Variants in SART3 observed in about 807,000 individuals in gnomAD.
The protein encoded by SART3 is HIV-1 Tat-interacting protein of 110kDa.
In SART3, 44 loss-of-function variants were observed where a neutral mutation model predicts 122.3. The ratio of observed to expected loss-of-function variants is 0.36; its 90% confidence interval spans 0.28 to 0.46. The LOEUF is 0.46. Ranked by LOEUF, SART3 falls within the 20% of genes least tolerant of loss-of-function variation. SART3 has a pLI of 1.00. For synonymous variants in SART3, 442 were observed against 454.0 expected (o/e 0.97, Z 0.34); for missense variants, 1,101 against 1,229.0 (o/e 0.90, Z 1.56).
chr12:108,551,683 T>C (rs1346768819), intron 1 of SART3, among the ~76,000 whole-genome samples: 1 of 152,114 alleles, frequency 6.6e-6, no homozygotes, highest in Non-Finnish European at 1.5e-5. Flanking sequence ...TACGGAACAT[T>C]CACTGAAGCC....
intron 1 of SART3, among the ~76,000 whole-genome samples, chr12:108,549,592 C>A (rs1333663585): frequency 6.6e-6 from 1 of 152,152 alleles, no homozygotes; most frequent in East Asian, 1.9e-4. Flanking sequence ...CATACCAGGT[C>A]TTCCAAGGAT....
chr12:108,559,718 C>T (rs2030402203), intron 1 of SART3, among the ~76,000 whole-genome samples: 1 of 151,836 alleles, frequency 6.6e-6, no homozygotes, highest in African/African-American at 2.4e-5. Flanking sequence ...TTCTGTTTGC[C>T]CCCTCCAAAA....
Position 108,554,663 on chromosome 12 carries a change from TTATTA to T in SART3, c.313-5454_313-5450del, listed in dbSNP as rs2030143164. Among the ~76,000 whole-genome samples the T allele has an allele frequency of 3.4e-5, 5 of 148,272 alleles. No homozygotes were observed. In the South Asian group the frequency reaches 1.0e-3, roughly 31 times the overall value. ...CATATTTATATATTTATTATATTGTTTATTATATATTTATATATTTATATTTAGTA... is the reference window on the plus strand; with the variant it reads ...CATATTTATATATTTATTATATTGTTTATATTTATATATTTATATTTAGTA... On this transcript the variant is annotated intron_variant, in intron 1 of 18. Transcript: ENST00000546815.
intron 16 of SART3, 153 bp from the exon 17 acceptor site, chr12:108,525,762 G>A (rs1872344763): frequency 5.2e-6 from 4 of 773,616 alleles, no homozygotes; most frequent in African/African-American, 5.1e-5. Context: ...GGCCACCGGA[G>A]CGAGTCACTT....
In SART3 at chr12:108,537,626, C is replaced by A. The variant is rs779257234; in HGVS notation, c.1202-31G>T. The A allele has an allele frequency of 1.9e-6, 3 of 1,553,600 alleles. No individual in the cohort carries two copies. The Admixed American group carries it at 5.0e-5, about 26-fold the overall frequency. On this transcript the variant is annotated intron_variant, in intron 8 of 18. Transcript: ENST00000546815. ...GTTGGAGAAAAGTCAGGATTTGTTA[C>A]CAATTCAAATGGAAACTAATAGAAA...
At chr12:108,558,857 C>A (rs1174496342) in intron 1 of SART3, among the ~76,000 whole-genome samples, 1 of 151,968 alleles carries the variant, frequency 6.6e-6, no homozygotes, top group East Asian at 1.9e-4. Context: ...AACGGTGAAA[C>A]CCCATCTCTA....
Position 108,530,284 on chromosome 12 carries a change from C to T in SART3, c.1773G>A (p.Val591=), listed in dbSNP as rs776812495. 8 of 1,613,952 alleles carry T rather than the reference C, an allele frequency of 5.0e-6. No individual in the cohort carries two copies. Among genetic ancestry groups the T allele is most frequent in the Non-Finnish European group, 6.8e-6 (8 of 1,180,040 alleles). ...MKAAEKEAAL[V]QQEEEKAEQR... is the part of the protein sequence containing the mutation. ...GTTCAGCCTTTTCTTCTTCTTGCTG[C>T]ACAAGGGCTGCTTCCTTCTCTGCAG... The change falls in exon 15 of 19, where the codon GTG becomes GTA. Residue 591 remains valine (V), a synonymous_variant. Transcript: ENST00000546815.
At chr12:108,552,648 C>T (rs1183430697) in intron 1 of SART3, among the ~76,000 whole-genome samples, 2 of 151,152 alleles carry the variant, frequency 1.3e-5, no homozygotes, top group Admixed American at 1.3e-4. Flanking sequence ...AAAAAGTTTA[C>T]AAAATCTGTA....
chr12:108,560,830 C>A lies in SART3; in HGVS notation c.312+13G>T, dbSNP rs752227044. 1.3e-6 allele frequency: 2 copies of A among 1,576,054 alleles called. No individual in the cohort carries two copies. The highest frequency in any genetic ancestry group is 1.7e-6 in the Non-Finnish European group (2 of 1,156,094). On this transcript the variant is annotated intron_variant, in intron 1 of 18. Transcript: ENST00000546815. ...AAGACTGGAAGATGCCCGCTGCCCA[C>A]CCCCGGGCCCACCTGCTCCTCCAGT...
At position 108,523,421 on chromosome 12, in the gene SART3, G is replaced by A. The variant is rs772779801; in HGVS notation, c.*36C>T. 1.2e-5 allele frequency: 20 copies of A among 1,609,678 alleles called. No individual in the cohort carries two copies. The highest frequency in any genetic ancestry group is 1.7e-5 in the Non-Finnish European group (20 of 1,177,748). ...GTGGTGGGAGGTCCGCCGGGCCAGAGTGAAGTAAGGCATTTCCTGTCTCCC... is the reference window on the plus strand; with the variant it reads ...GTGGTGGGAGGTCCGCCGGGCCAGAATGAAGTAAGGCATTTCCTGTCTCCC... On this transcript the variant is annotated 3_prime_UTR_variant, in exon 19 of 19. Transcript: ENST00000546815.
At chr12:108,529,981 A>G (rs1872585859) in intron 15 of SART3, among the ~76,000 whole-genome samples, 161 bp downstream of exon 15, 1 of 152,206 alleles carries the variant, frequency 6.6e-6, no homozygotes, top group African/African-American at 2.4e-5. Flanking sequence ...CTAGTCATGT[A>G]GAAGAGGGCC....
chr12:108,532,542 TC>T, intron 12 of SART3: 1 of 526,402 alleles, frequency 1.9e-6, no homozygotes, highest in South Asian at 1.9e-5. Context: ...ACTCTCTCCC[TC>T]AGCCATGTAG....
At chr12:108,537,134 T>C (rs1014743708) in intron 9 of SART3, 34 of 427,460 alleles carry the variant, frequency 8.0e-5, no homozygotes, top group African/African-American at 5.6e-4. Context: ...TCTGGTTGTT[T>C]TCGGGGGGAC....
chr12:108,560,635 G>A (rs1245499314), intron 1 of SART3: 4 of 522,066 alleles, frequency 7.7e-6, no homozygotes, highest in African/African-American at 3.9e-5. Flanking sequence ...TTCCTTCACA[G>A]GGTCGTGGCG....
intron 1 of SART3, 128 bp downstream of exon 1, chr12:108,560,715 T>C (rs1182435655): frequency 2.7e-6 from 2 of 737,214 alleles, no homozygotes; most frequent in Non-Finnish European, 4.3e-6. Flanking sequence ...CAGGAGCTAC[T>C]GTCACGAAAA....
chr12:108,535,964 C>T lies in SART3; in HGVS notation c.1447-496G>A, dbSNP rs79439636. Among the ~76,000 whole-genome samples the T allele has an allele frequency of 1.1e-4, 17 of 152,184 alleles. No homozygotes were observed. In the East Asian group the frequency reaches 3.1e-3, roughly 28 times the overall value. On this transcript the variant is annotated intron_variant, in intron 11 of 18. Coordinates refer to ENST00000546815, the MANE Select transcript of SART3 (RefSeq NM_014706.4). ...ACAAATGTTAGTTTCTTCTATCTGA[C>T]GCTCCCTCCGAGGAGAAAACATGAT...
At position 108,537,555 on chromosome 12, in the gene SART3, G is replaced by A; in HGVS notation, c.1242C>T (p.Ala414=). Residue 414 remains alanine (A), a synonymous_variant, in exon 9 of 19, where the codon GCC becomes GCT. Coordinates refer to ENST00000546815, the MANE Select transcript of SART3 (RefSeq NM_014706.4). ...CCTGCCAAATCTCCACATAATCAGT[G>A]GCCTGGATGAAGCCGGCATTCAAAG... ...EKALNAGFIQ[A]TDYVEIWQAY... is the part of the protein sequence containing the mutation. 6.2e-7 allele frequency: 1 copy of A among 1,614,084 alleles called. No individual in the cohort carries two copies.
In SART3 at chr12:108,526,120, C is replaced by G; in HGVS notation, c.2349G>C (p.Lys783Asn). ...CTACCTTAAAATCGGGGTTTTTGCT[C>G]TTATCCACACAGGGGGAAACAAACA... ...RPMFVSPCVD[K>N]SKNPDFKVFR... The change falls in exon 16 of 19, where the codon AAG becomes AAC. Residue 783 changes from lysine (K) to asparagine (N), a missense_variant. Coordinates refer to ENST00000546815, the MANE Select transcript of SART3 (RefSeq NM_014706.4). 1 of 1,614,140 alleles carries G rather than the reference C, an allele frequency of 6.2e-7. No individual in the cohort carries two copies. Among genetic ancestry groups the G allele is most frequent in the Non-Finnish European group, 8.5e-7 (1 of 1,179,988 alleles).
At chr12:108,559,775 T>G (rs753657030) in intron 1 of SART3, among the ~76,000 whole-genome samples, 1 of 150,866 alleles carries the variant, frequency 6.6e-6, no homozygotes, top group South Asian at 2.1e-4. Flanking sequence ...AGTATAGACC[T>G]CATGCACAGG....
Sources: allele counts gnomAD v4.1 joint callset (sites outside exome capture counted in the v4.1 genomes callset), GRCh38; gene constraint gnomAD v4.1.1; transcripts MANE v1.5; gene names NCBI Gene and HGNC (gene_info 2026-07-23, HGNC 2026-07-21).